Variants in KIAA1671 observed in about 807,000 individuals in gnomAD.
KIAA1671 encodes the protein uncharacterized protein KIAA1671.
KIAA1671 carries 52 observed loss-of-function variants against 131.2 expected under a neutral mutation model. That is an observed-to-expected ratio of 0.40 (90% CI 0.32 to 0.50). The LOEUF (loss-of-function observed/expected upper bound fraction) is 0.50, where lower values mean the gene tolerates loss of function less well. KIAA1671 is among the 20% of genes least tolerant of loss of function. The pLI, the probability that KIAA1671 is intolerant of heterozygous loss-of-function variation, is 0.73. For synonymous variants in KIAA1671, 1,003 were observed against 961.6 expected (o/e 1.04, Z -0.80); for missense variants, 2,360 against 2,364.2 (o/e 1.00, Z 0.04).
intron 1 of KIAA1671, among the ~76,000 whole-genome samples, chr22:24,990,961 G>A (rs1203137063): frequency 3.3e-5 from 5 of 152,120 alleles, no homozygotes; most frequent in Non-Finnish European, 7.4e-5. Context: ...CCTGGCCCAG[G>A]GCTGGCCAAG....
intron 1 of KIAA1671, among the ~76,000 whole-genome samples, chr22:24,975,617 C>T (rs1922870996): frequency 6.6e-6 from 1 of 152,094 alleles, no homozygotes; most frequent in Non-Finnish European, 1.5e-5. Context: ...ATGTGCTGTA[C>T]CCATGCACAT....
chr22:25,064,032 TTTTTGTTTG>T (rs543901280), intron 6 of KIAA1671: 288 of 152,414 alleles, frequency 1.9e-3, no homozygotes, highest in Middle Eastern at 6.8e-3. Flanking sequence ...GCTAAGATTT[TTTTTGTTTG>T]TTTTGTTTGT....
At chr22:25,156,725 G>A (rs1021616515) in intron 6 of KIAA1671, among the ~76,000 whole-genome samples, 1 of 151,932 alleles carries the variant, frequency 6.6e-6, no homozygotes, top group East Asian at 1.9e-4. Flanking sequence ...CTGTGTGTGC[G>A]TGCATCTGTC....
At chr22:25,189,251 TCACACCATTCTCCTGCCTC>T (rs1034868089) in intron 11 of KIAA1671, among the ~76,000 whole-genome samples, 5 of 151,818 alleles carry the variant, frequency 3.3e-5, no homozygotes, top group South Asian at 4.2e-4. Flanking sequence ...CCTCCTGGGT[TCACACCATTCTCCTGCCTC>T]CACACCATTC....
chr22:24,955,618 AG>A (rs1921651734), intron 1 of KIAA1671, among the ~76,000 whole-genome samples: 1 of 152,002 alleles, frequency 6.6e-6, no homozygotes, highest in African/African-American at 2.4e-5. Context: ...TCTGCAGGTG[AG>A]GGGCAGGGTC....
At chr22:24,963,668 C>T (rs541962342) in intron 1 of KIAA1671, among the ~76,000 whole-genome samples, 4 of 152,034 alleles carry the variant, frequency 2.6e-5, no homozygotes, top group South Asian at 4.2e-4. Context: ...AGGCCGGGTG[C>T]GGTGGCTCAC....
intron 6 of KIAA1671, among the ~76,000 whole-genome samples, chr22:25,162,223 A>G (rs965611466): frequency 7.9e-5 from 12 of 152,162 alleles, no homozygotes; most frequent in African/African-American, 2.9e-4. Context: ...TTGCTTGGCC[A>G]TGGTACTGGT....
chr22:25,039,780 C>CTCGA lies in KIAA1671; in HGVS notation c.2653_2656dup (p.Pro886ArgfsTer12). 1.3e-6 allele frequency: 2 copies of CTCGA among 1,504,504 alleles called. No homozygotes were observed. Among genetic ancestry groups the CTCGA allele is most frequent in the Non-Finnish European group, 1.8e-6 (2 of 1,121,628 alleles). The allele number at this position is 1,504,504 out of a possible 1,614,324, so 93.2% of individuals were successfully genotyped here. On this transcript the variant is annotated frameshift_variant, in exon 5 of 13. Transcript: ENST00000358431. LOFTEE classifies it high-confidence loss of function. ...AAGGGGCCCACCCCAGGGATGCCCC[C>CTCGA]TCGATCCTCTTTCCAGGGCTACGAA...
chr22:25,142,489 A>G (rs1372352640), intron 6 of KIAA1671, among the ~76,000 whole-genome samples: 1 of 152,160 alleles, frequency 6.6e-6, no homozygotes, highest in Non-Finnish European at 1.5e-5. Context: ...TCCAGCTGCC[A>G]TCTTCGCCAG....
At chr22:25,131,531 C>A (rs747573350) in intron 6 of KIAA1671, among the ~76,000 whole-genome samples, 5 of 152,214 alleles carry the variant, frequency 3.3e-5, no homozygotes, top group Non-Finnish European at 7.3e-5. Flanking sequence ...CCCTTCAGGT[C>A]CCTGGCCTGG....
At chr22:25,172,409 C>G (rs940525009) in intron 7 of KIAA1671, among the ~76,000 whole-genome samples, 6 of 152,216 alleles carry the variant, frequency 3.9e-5, no homozygotes, top group African/African-American at 1.4e-4. Context: ...AGTGCTGTTA[C>G]CTTCATCCCG....
At chr22:25,156,147 C>T (rs1360661834) in intron 6 of KIAA1671, among the ~76,000 whole-genome samples, 5 of 149,950 alleles carry the variant, frequency 3.3e-5, no homozygotes, top group African/African-American at 9.8e-5. Context: ...CTCAGCCTCC[C>T]GAGTAGCTGG....
intron 6 of KIAA1671, among the ~76,000 whole-genome samples, chr22:25,121,054 T>G (rs1931916377): frequency 6.6e-6 from 1 of 152,242 alleles, no homozygotes; most frequent in Non-Finnish European, 1.5e-5. Context: ...TCTCAGATGT[T>G]TTGTTCAGAC....
intron 1 of KIAA1671, among the ~76,000 whole-genome samples, chr22:25,003,417 T>TC (rs1924578288): frequency 8.4e-6 from 1 of 119,528 alleles, no homozygotes; most frequent in African/African-American, 2.8e-5. Flanking sequence ...TTTTTTTTTT[T>TC]TTTTTTTTTT....
At chr22:25,129,331 A>AC (rs1932326609) in intron 6 of KIAA1671, among the ~76,000 whole-genome samples, 1 of 151,796 alleles carries the variant, frequency 6.6e-6, no homozygotes, top group Non-Finnish European at 1.5e-5. Flanking sequence ...ACATGGTGAA[A>AC]CCCCATCTCT....
chr22:25,150,731 T>C (rs185289046), intron 6 of KIAA1671, among the ~76,000 whole-genome samples: 272 of 152,196 alleles, frequency 1.8e-3, no homozygotes, highest in African/African-American at 6.3e-3. Flanking sequence ...GGGGAGAATA[T>C]GCAAATTGGG....
intron 6 of KIAA1671, among the ~76,000 whole-genome samples, chr22:25,143,305 G>A (rs1932832516): frequency 6.6e-6 from 1 of 152,216 alleles, no homozygotes; most frequent in Admixed American, 6.5e-5. Context: ...CACTCTCAGG[G>A]GTCTGAGGAG....
At chr22:25,119,794 T>C (rs904663966) in intron 6 of KIAA1671, among the ~76,000 whole-genome samples, 6 of 152,186 alleles carry the variant, frequency 3.9e-5, no homozygotes, top group Non-Finnish European at 7.3e-5. Flanking sequence ...GCAAAGGCCC[T>C]GAGGCAGGTT....
intron 4 of KIAA1671, among the ~76,000 whole-genome samples, chr22:25,033,674 G>T (rs1270692297): frequency 7.1e-5 from 10 of 140,330 alleles, no homozygotes; most frequent in Non-Finnish European, 1.4e-4. Context: ...CGCCTCCCGG[G>T]TTCAAGCAAT....
Sources: gnomAD v4.1 joint callset for allele counts (sites outside exome capture counted in the v4.1 genomes callset) on GRCh38, gnomAD v4.1.1 for gene constraint, MANE v1.5 for transcripts, NCBI Gene and HGNC (gene_info 2026-07-23, HGNC 2026-07-21) for gene names.